Variants in GFRAL observed in about 807,000 individuals in gnomAD.
The protein encoded by GFRAL is GDNF family receptor alpha like.
In GFRAL, 36 loss-of-function variants were observed where a neutral mutation model predicts 45.4. The ratio of observed to expected loss-of-function variants is 0.79; its 90% CI spans 0.61 to 1.05. GFRAL has a LOEUF of 1.05. Among genes scored for constraint, GFRAL ranks in the 50% least tolerant of loss-of-function variants. GFRAL has a pLI of 0.00. For missense variants in GFRAL, 507 were observed against 467.5 expected (o/e 1.08, Z -0.78); for synonymous variants, 166 against 154.1 (o/e 1.08, Z -0.57).
chr6:55,330,692 T>C (rs1213564133), intron 1 of GFRAL, among the ~76,000 whole-genome samples: 1 of 151,996 alleles, frequency 6.6e-6, no homozygotes, highest in Admixed American at 6.6e-5. Flanking sequence ...TGGTGAGGAA[T>C]ATGAGAGCCC....
intron 6 of GFRAL, among the ~76,000 whole-genome samples, chr6:55,396,412 G>A (rs899170896): frequency 2.6e-5 from 4 of 151,962 alleles, no homozygotes; most frequent in Non-Finnish European, 4.4e-5. Context: ...TTTTTCTTCT[G>A]CAAAGATGAA....
chr6:55,352,981 A>C (rs1269027391), intron 5 of GFRAL, among the ~76,000 whole-genome samples: 2 of 152,116 alleles, frequency 1.3e-5, no homozygotes, highest in African/African-American at 2.4e-5. Flanking sequence ...GGCAAACAAC[A>C]CTAGGCAAAC....
intron 3 of GFRAL, among the ~76,000 whole-genome samples, chr6:55,339,361 A>G (rs1353826480): frequency 6.6e-6 from 1 of 152,184 alleles, no homozygotes; most frequent in African/African-American, 2.4e-5. Flanking sequence ...ATGATAAAAA[A>G]ATAGTCTAAA....
intron 3 of GFRAL, among the ~76,000 whole-genome samples, chr6:55,341,659 C>T (rs919917512): frequency 2.0e-5 from 3 of 152,106 alleles, no homozygotes; most frequent in African/African-American, 7.2e-5. Context: ...AGCAATGGAA[C>T]AAAGCTGGAT....
At chr6:55,331,881 A>T (rs745501929) in intron 2 of GFRAL, 32 bp downstream of exon 2, 3 of 1,575,986 alleles carry the variant, frequency 1.9e-6, no homozygotes, top group African/African-American at 2.7e-5. Flanking sequence ...CACTCAAATG[A>T]TTTATTTTTA....
intron 5 of GFRAL, among the ~76,000 whole-genome samples, chr6:55,353,265 G>A (rs1768144448): frequency 6.6e-6 from 1 of 152,034 alleles, no homozygotes; most frequent in African/African-American, 2.4e-5. Flanking sequence ...AACACAAAAA[G>A]TAATGATATC....
intron 6 of GFRAL, among the ~76,000 whole-genome samples, chr6:55,376,074 T>C (rs1768530867): frequency 6.6e-6 from 1 of 152,164 alleles, no homozygotes; most frequent in African/African-American, 2.4e-5. Flanking sequence ...TGAAGCGATG[T>C]TGCATTTTAT....
intron 6 of GFRAL, among the ~76,000 whole-genome samples, chr6:55,398,518 T>G (rs1049124904): frequency 6.6e-6 from 1 of 152,238 alleles, no homozygotes; most frequent in African/African-American, 2.4e-5. Flanking sequence ...CAATTGCATC[T>G]TTCTGTTGTT....
chr6:55,333,882 G>T lies in GFRAL; in HGVS notation c.254G>T (p.Cys85Phe). ...ESNFQFKECL[C>F]TDDFYCTVNK... ...AATTTCCAATTTAAAGAGTGTCTTT[G>T]CACTGATGACTTCTATTGTACTGTG... Residue 85 changes from cysteine to phenylalanine, a missense_variant, in exon 3 of 9, where the codon TGC becomes TTC. By Grantham distance (205) the Cys-to-Phe change is radical (BLOSUM62 -2). Transcript: ENST00000340465. 6.2e-7 allele frequency: 1 copy of T among 1,610,206 alleles called. No homozygotes were observed.
chr6:55,332,721 C>T (rs1234092697), intron 2 of GFRAL, among the ~76,000 whole-genome samples: 1 of 151,794 alleles, frequency 6.6e-6, no homozygotes, highest in Non-Finnish European at 1.5e-5. Context: ...CGTGCCTGGC[C>T]TATATTTCCT....
intron 3 of GFRAL, among the ~76,000 whole-genome samples, chr6:55,344,672 T>C (rs1224854243): frequency 3.9e-5 from 6 of 152,186 alleles, no homozygotes; most frequent in Non-Finnish European, 7.3e-5. Context: ...TTCAACATAG[T>C]GTTGGAAGTT....
intron 3 of GFRAL, among the ~76,000 whole-genome samples, chr6:55,340,820 C>T (rs1257639357): frequency 2.6e-5 from 4 of 152,316 alleles, no homozygotes; most frequent in East Asian, 1.9e-4. Context: ...GGGTCACTCT[C>T]ACCCTAATAC....
At chr6:55,336,847 T>C (rs1303069623) in intron 3 of GFRAL, among the ~76,000 whole-genome samples, 1 of 152,168 alleles carries the variant, frequency 6.6e-6, no homozygotes, top group Non-Finnish European at 1.5e-5. Context: ...AGTGTGTGTG[T>C]GTGTTCTTTG....
At chr6:55,397,503 C>T (rs1304960923) in intron 6 of GFRAL, among the ~76,000 whole-genome samples, 1 of 101,148 alleles carries the variant, frequency 9.9e-6, no homozygotes, top group African/African-American at 4.1e-5. Context: ...CCGGCCTGGG[C>T]GACAGAGCGA....
At chr6:55,378,823 T>G (rs2127362582) in intron 6 of GFRAL, among the ~76,000 whole-genome samples, 1 of 152,144 alleles carries the variant, frequency 6.6e-6, no homozygotes, top group African/African-American at 2.4e-5. Flanking sequence ...AAGGATTTCC[T>G]TTTACCACTG....
At chr6:55,371,985 C>T (rs2127360878) in intron 6 of GFRAL, among the ~76,000 whole-genome samples, 1 of 152,302 alleles carries the variant, frequency 6.6e-6, no homozygotes, top group South Asian at 2.1e-4. Context: ...CCTTTCCAGT[C>T]TGGCTTCTGG....
At chr6:55,333,719 T>A in intron 2 of GFRAL, 67 bp from the exon 3 acceptor site, 1 of 1,013,110 alleles carries the variant, frequency 9.9e-7, no homozygotes, top group Non-Finnish European at 1.4e-6. Context: ...TTAAAAGTAC[T>A]TTGGGGAGGA....
At chr6:55,334,354 A>T (rs573912220) in intron 3 of GFRAL, among the ~76,000 whole-genome samples, 1 of 152,210 alleles carries the variant, frequency 6.6e-6, no homozygotes, top group South Asian at 2.1e-4. Context: ...TAAGGAACTC[A>T]GTGTCTCCTG....
chr6:55,401,684 T>A, intron 8 of GFRAL, 106 bp from the exon 9 acceptor site: 1 of 721,532 alleles, frequency 1.4e-6, no homozygotes, highest in Non-Finnish European at 2.5e-6. Flanking sequence ...ACTTGATTAG[T>A]TTTTTCCTCC....
Sources: allele counts gnomAD v4.1 joint callset (sites outside exome capture counted in the v4.1 genomes callset), GRCh38; gene constraint gnomAD v4.1.1; transcripts MANE v1.5; gene names NCBI Gene and HGNC (gene_info 2026-07-23, HGNC 2026-07-21).